The following RDH12 variants were observed in gnomAD, a reference collection of about 807,000 sequenced individuals.
RDH12 encodes all-trans and 9-cis retinol dehydrogenase.
Under a neutral mutation model 34.0 loss-of-function variants are expected in RDH12, and 21 were observed. The ratio of observed to expected loss-of-function variants is 0.62; its 90% CI spans 0.44 to 0.89. The LOEUF is 0.89. Ranked by LOEUF, RDH12 falls within the 40% of genes least tolerant of loss-of-function variation. The pLI is 0.00. For synonymous variants in RDH12, 198 were observed against 169.9 expected, an observed-to-expected ratio of 1.17 and a Z score of -1.29; for missense variants, 394 against 398.6, an observed-to-expected ratio of 0.99 and a Z score of 0.10.
At chr14:67,713,326 A>G (rs2038030832) in intron 1 of RDH12, among the ~76,000 whole-genome samples, 1 of 150,944 alleles carries the variant, frequency 6.6e-6, no homozygotes, top group Non-Finnish European at 1.5e-5. Context: ...AACTCCATAA[A>G]GGAGTTACCT....
intron 1 of RDH12, chr14:67,714,751 G>A (rs7143260): frequency 0.97 from 147,899 of 152,446 alleles, 71,879 homozygotes; most frequent in East Asian, 1. Flanking sequence ...GTTGAAAAGA[G>A]ACTAAGGGAT....
intron 5 of RDH12, among the ~76,000 whole-genome samples, 166 bp from the exon 6 acceptor site, chr14:67,725,885 C>A (rs528879645): frequency 3.9e-5 from 6 of 152,312 alleles, no homozygotes; most frequent in African/African-American, 1.4e-4. Flanking sequence ...AGTGCTGAGG[C>A]AATACCTTGT....
chr14:67,727,468 G>T, intron 7 of RDH12: 2 of 394,534 alleles, frequency 5.1e-6, no homozygotes, highest in Admixed American at 4.1e-5. Context: ...AACAGACAGA[G>T]GCTTTTTGTT....
intron 8 of RDH12, among the ~76,000 whole-genome samples, chr14:67,733,313 C>T (rs1343045378): frequency 1.3e-5 from 2 of 152,148 alleles, no homozygotes; most frequent in African/African-American, 4.8e-5. Context: ...GGGAAAATAA[C>T]TTCATCTTTA....
chr14:67,706,480 C>T (rs1166426348), intron 1 of RDH12, among the ~76,000 whole-genome samples: 1 of 152,146 alleles, frequency 6.6e-6, no homozygotes, highest in East Asian at 1.9e-4. Flanking sequence ...GGACATCAAT[C>T]AACATATGGA....
chr14:67,711,547 A>G (rs1437868056), intron 1 of RDH12, among the ~76,000 whole-genome samples: 2 of 152,204 alleles, frequency 1.3e-5, no homozygotes, highest in African/African-American at 4.8e-5. Flanking sequence ...AATTAATTAG[A>G]GCTCTTTTAT....
chr14:67,711,432 T>G (rs2038007997), intron 1 of RDH12, among the ~76,000 whole-genome samples: 1 of 152,366 alleles, frequency 6.6e-6, no homozygotes, highest in South Asian at 2.1e-4. Flanking sequence ...GCTTATTTAT[T>G]AAATATTTTA....
At chr14:67,732,488 GAGAGAA>G (rs2140159188) in intron 8 of RDH12, among the ~76,000 whole-genome samples, 1 of 137,542 alleles carries the variant, frequency 7.3e-6, no homozygotes, top group Non-Finnish European at 1.5e-5. Flanking sequence ...TTTTATGTAA[GAGAGAA>G]AGAGAGAGAG....
intron 1 of RDH12, among the ~76,000 whole-genome samples, chr14:67,702,781 T>C (rs1242803873): frequency 1.3e-5 from 2 of 152,136 alleles, no homozygotes; most frequent in Non-Finnish European, 2.9e-5. Flanking sequence ...TAAACACACA[T>C]ATATATGCAC....
chr14:67,707,320 G>T (rs767546228), intron 1 of RDH12, among the ~76,000 whole-genome samples: 2 of 152,180 alleles, frequency 1.3e-5, no homozygotes, highest in Admixed American at 6.5e-5. Flanking sequence ...TACACTTTTT[G>T]AAACAATCTT....
chr14:67,704,114 T>C (rs2037928189), intron 1 of RDH12, among the ~76,000 whole-genome samples: 1 of 152,242 alleles, frequency 6.6e-6, no homozygotes, highest in African/African-American at 2.4e-5. Flanking sequence ...CCCCTTGTTT[T>C]AAATTTAAAT....
Position 67,731,210 on chromosome 14 carries a change from T to C in RDH12, c.848+1830T>C, listed in dbSNP as rs1246472888. ...TTCTCATCATATTTCTTTCTTTCTTTTTTTTTTTTTTTTTTTTTTTTGGAG... is the reference window on the plus strand; with the variant it reads ...TTCTCATCATATTTCTTTCTTTCTTCTTTTTTTTTTTTTTTTTTTTTGGAG... On this transcript the variant is annotated intron_variant, in intron 8 of 8. Coordinates refer to ENST00000551171, the MANE Select transcript of RDH12 (RefSeq NM_152443.3). Among the ~76,000 whole-genome samples the C allele has an allele frequency of 8.0e-3, 857 of 106,870 alleles. 6 individuals are homozygous for C. Among genetic ancestry groups the C allele is most frequent in the Non-Finnish European group, 0.013 (655 of 49,566 alleles). The allele number at this position is 106,870 out of a possible 152,430, so 70.1% of individuals were successfully genotyped here. A position where few individuals can be genotyped will look rare whatever the true frequency, so the allele number is the denominator to read the frequency against.
At position 67,725,084 on chromosome 14, in the gene RDH12, T is replaced by C. The variant is rs1379623719; in HGVS notation, c.188-15T>C. 8.1e-6 allele frequency: 13 copies of C among 1,614,160 alleles called. No homozygotes were observed. The highest frequency in any genetic ancestry group is 1.7e-5 in the Admixed American group (1 of 60,018). ...AGGATATGAACATACTGCTCTTTTTTTGTCTTGGACCCAGGAGCCCGAGTC... is the reference window on the plus strand; with the variant it reads ...AGGATATGAACATACTGCTCTTTTTCTGTCTTGGACCCAGGAGCCCGAGTC... On this transcript the variant is annotated splice_polypyrimidine_tract_variant and intron_variant, in intron 4 of 8. Transcript: ENST00000551171.
chr14:67,727,399 C>A (rs924505983), intron 7 of RDH12: 3 of 569,718 alleles, frequency 5.3e-6, no homozygotes, highest in Middle Eastern at 4.8e-4. Context: ...AAAAAGTTAC[C>A]TTGTATTTGT....
At chr14:67,712,173 A>T (rs2038015907) in intron 1 of RDH12, among the ~76,000 whole-genome samples, 1 of 151,760 alleles carries the variant, frequency 6.6e-6, no homozygotes, top group South Asian at 2.1e-4. Flanking sequence ...ACACACCTTG[A>T]CCTCCCAAAG....
intron 1 of RDH12, among the ~76,000 whole-genome samples, chr14:67,712,311 T>A (rs1250286328): frequency 1.3e-5 from 2 of 152,148 alleles, no homozygotes; most frequent in Admixed American, 6.5e-5. Context: ...TATTTTGAGG[T>A]TAAACCATGT....
chr14:67,706,471 G>T (rs1397801569), intron 1 of RDH12, among the ~76,000 whole-genome samples: 2 of 152,166 alleles, frequency 1.3e-5, no homozygotes, highest in Middle Eastern at 3.2e-3. Flanking sequence ...GGAGACACGG[G>T]ACATCAATCA....
intron 1 of RDH12, among the ~76,000 whole-genome samples, chr14:67,710,555 T>G (rs1344790109): frequency 6.6e-6 from 1 of 152,146 alleles, no homozygotes; most frequent in East Asian, 1.9e-4. Flanking sequence ...CACAATATTC[T>G]TTTTCATATG....
Position 67,729,376 on chromosome 14 carries a change from T to C in RDH12, c.844T>C (p.Phe282Leu), listed in dbSNP as rs756887056. The change falls in exon 8 of 9, where the codon TTC (phenylalanine) becomes CTC (leucine). Residue 282 changes from phenylalanine to leucine, a missense_variant. Transcript: ENST00000551171. ...CCTGGAGCCCCTGAGTGGCAAGTAC[T>C]TCAGGTGTGTGAAGGCAATGCGGTT... ...EGLEPLSGKY[F>L]SDCKRTWVSP... 1 of 1,597,432 alleles carries C rather than the reference T, an allele frequency of 6.3e-7. No individual in the cohort carries two copies. The highest frequency in any genetic ancestry group is 1.1e-5 in the South Asian group (1 of 90,986).
Sources: allele counts gnomAD v4.1 joint callset (sites outside exome capture counted in the v4.1 genomes callset), GRCh38; gene constraint gnomAD v4.1.1; transcripts MANE v1.5; gene names NCBI Gene and HGNC (gene_info 2026-07-23, HGNC 2026-07-21).